STX10: variants seen among roughly 807,000 people sequenced by gnomAD.
STX10 encodes syntaxin-10.
Under a neutral mutation model 34.1 loss-of-function variants are expected in STX10, and 35 were observed. The ratio of observed to expected loss-of-function variants is 1.03; its 90% confidence interval spans 0.78 to 1.36. The LOEUF (loss-of-function observed/expected upper bound fraction) is 1.36, where lower values mean the gene tolerates loss of function less well. Among genes scored for constraint, STX10 ranks in the 40% most tolerant of loss-of-function variants. The pLI is 0.00. For missense variants in STX10, 361 were observed against 335.5 expected (o/e 1.08, Z -0.59); for synonymous variants, 155 against 132.9 (o/e 1.17, Z -1.15).
intron 4 of STX10, 89 bp downstream of exon 4, chr19:13,148,940 C>G: frequency 8.0e-6 from 9 of 1,128,556 alleles, no homozygotes; most frequent in Non-Finnish European, 1.2e-5. Flanking sequence ...CGGGCACTGT[C>G]GCAAAAGGGA....
rs377662499 is a variant in STX10, at chr19:13,149,799, C to T, written c.134G>A (p.Trp45Ter). 4 of 1,613,966 alleles carry T rather than the reference C, an allele frequency of 2.5e-6. No homozygotes were observed. The Admixed American group carries it at 5.0e-5, about 20-fold the overall frequency. ...GCCATTCCGCAGCTCATTGGTCGTC[C>T]AGTCCAGCTCCTCGCGTCCGACCGC... ...SAAVGREELD[W>*]TTNELRNGLR... The change falls in exon 2 of 8, where the codon TGG becomes TAG. Residue 45 changes from tryptophan to a stop codon, truncating the protein, a stop_gained. Coordinates refer to ENST00000587230, the MANE Select transcript of STX10 (RefSeq NM_003765.3). LOFTEE classifies it high-confidence loss of function.
In STX10 at chr19:13,146,565, G is replaced by A. The variant is rs537587458; in HGVS notation, c.364-1170C>T. On this transcript the variant is annotated intron_variant, in intron 4 of 7. Coordinates refer to ENST00000587230, the MANE Select transcript of STX10 (RefSeq NM_003765.3). Reference sequence around the variant, plus strand: ...GATGTTTGTTTGTTTGTCTGAGACAGAGTCTTGCTCTGTCACCTAGGCTGG... The same window carrying A: ...GATGTTTGTTTGTTTGTCTGAGACAAAGTCTTGCTCTGTCACCTAGGCTGG... Among the ~76,000 whole-genome samples the A allele has an allele frequency of 5.1e-4, 77 of 151,260 alleles. 1 individual carries two copies. The highest frequency in any genetic ancestry group is 1.7e-3 in the African/African-American group (70 of 41,000).
At chr19:13,144,718 A>G in intron 6 of STX10, 46 bp downstream of exon 6, 1 of 1,613,090 alleles carries the variant, frequency 6.2e-7, no homozygotes. Flanking sequence ...CAGACACACC[A>G]GGGTGGCCGA....
In STX10 at chr19:13,145,354, G is replaced by T. The variant is rs752930346; in HGVS notation, c.405C>A (p.Asp135Glu). The change falls in exon 5 of 8, where the codon GAC becomes GAA. Residue 135 changes from aspartate (D) to glutamate (E), a missense_variant. Physicochemically the swap from Asp to Glu is conservative, Grantham distance 45. Coordinates refer to ENST00000587230, the MANE Select transcript of STX10 (RefSeq NM_003765.3). ...GKPAAQKSPS[D>E]LLDASAVSAT... ...CCGAGACTGCGCTGGCATCCAGCAG[G>T]TCGCTGGGTGACTTCTGGGCAGCTG... 2.5e-6 allele frequency: 4 copies of T among 1,611,898 alleles called. No homozygotes were observed. Among genetic ancestry groups the T allele is most frequent in the Non-Finnish European group, 3.4e-6 (4 of 1,179,974 alleles).
chr19:13,144,628 G>A lies in STX10; in HGVS notation c.622C>T (p.Arg208Cys), dbSNP rs754778951. 1.1e-5 allele frequency: 18 copies of A among 1,614,144 alleles called. No individual in the cohort carries two copies. Among genetic ancestry groups the A allele is most frequent in the South Asian group, 6.6e-5 (6 of 91,082 alleles). ...AACTTCCTGAGGACCCCGTCCATGCGGGACTGGGTGTGGTCCATCTCTTGG... is the reference window on the plus strand; with the variant it reads ...AACTTCCTGAGGACCCCGTCCATGCAGGACTGGGTGTGGTCCATCTCTTGG... ...FAQEMDHTQS[R>C]MDGVLRKLAK... The change falls in exon 7 of 8, where the codon CGC becomes TGC. Residue 208 changes from arginine (R) to cysteine (C), a missense_variant. Arg to Cys is a radical substitution (Grantham distance 180). Coordinates refer to ENST00000587230, the MANE Select transcript of STX10 (RefSeq NM_003765.3).
At chr19:13,144,992 A>C (rs975016111) in intron 5 of STX10, 122 bp from the exon 6 acceptor site, 1 of 866,880 alleles carries the variant, frequency 1.2e-6, no homozygotes, top group African/African-American at 1.7e-5. Context: ...TGAGGCCAGG[A>C]GTTCGAGACC....
chr19:13,145,198 C>T (rs2019869445), intron 5 of STX10, 90 bp downstream of exon 5: 2 of 1,190,640 alleles, frequency 1.7e-6, no homozygotes, highest in Admixed American at 2.1e-5. Flanking sequence ...AACTCCATAT[C>T]AACAACAACA....
Position 13,148,870 on chromosome 19 carries a change from G to T in STX10, c.363+159C>A, listed in dbSNP as rs529858507. ...CATATACACATAGAGAGGTTCAGGT[G>T]CACACACCGAGAAAGTGCAGGCAGG... On this transcript the variant is annotated intron_variant, in intron 4 of 7. Transcript: ENST00000587230. 1.9e-4 allele frequency among the ~76,000 whole-genome samples: 29 copies of T among 152,134 alleles called. 1 individual carries two copies. The South Asian group carries it at 6.0e-3, about 32-fold the overall frequency.
chr19:13,150,095 TG>T lies in STX10; in HGVS notation c.35+43del. ...GCCGGCACCCGGGCACTGGCTGGCT[TG>T]GGTACAGAGCACCCTCCGCCCTCCC... On this transcript the variant is annotated intron_variant, in intron 1 of 7. Coordinates refer to ENST00000587230, the MANE Select transcript of STX10 (RefSeq NM_003765.3). The surrounding 1 kb of genome is among the most constrained non-coding windows in gnomAD (Gnocchi z 4.0). 2 of 1,125,040 alleles carry T rather than the reference TG, an allele frequency of 1.8e-6. No homozygotes were observed. The highest frequency in any genetic ancestry group is 2.7e-6 in the Non-Finnish European group (2 of 753,686). The allele number at this position is 1,125,040 out of a possible 1,614,324, so 69.7% of individuals were successfully genotyped here. A position where few individuals can be genotyped will look rare whatever the true frequency, so the allele number is the denominator to read the frequency against.
At chr19:13,146,410 T>C (rs1335752102) in intron 4 of STX10, among the ~76,000 whole-genome samples, 4 of 152,192 alleles carry the variant, frequency 2.6e-5, no homozygotes, top group Non-Finnish European at 4.4e-5. Context: ...AATTTTTGTA[T>C]TTTTACTAGT....
intron 2 of STX10, 37 bp from the exon 3 acceptor site, chr19:13,149,630 TATC>T (rs1568394045): frequency 5.0e-6 from 8 of 1,613,298 alleles, no homozygotes; most frequent in South Asian, 1.1e-5. Flanking sequence ...CGGAGCCAGA[TATC>T]ATCCCCGTCC....
Position 13,149,567 on chromosome 19 carries a change from A to C in STX10, c.232T>G (p.Phe78Val). ...IGIVEANPGK[F>V]KLPAGDLQER... ...TGCAGGTCCCCGGCTGGGAGCTTGA[A>C]CTTGCCTGGGTTGGCTTCCACTATA... is the stretch of plus-strand genomic sequence containing the variant. The change falls in exon 3 of 8, where the codon TTC (phenylalanine) becomes GTC (valine). Residue 78 changes from phenylalanine to valine, a missense_variant. By Grantham distance (50) the Phe-to-Val change is conservative. Coordinates refer to ENST00000587230, the MANE Select transcript of STX10 (RefSeq NM_003765.3). The C allele has an allele frequency of 6.2e-7, 1 of 1,613,958 alleles. No individual in the cohort carries two copies. Among genetic ancestry groups the C allele is most frequent in the Non-Finnish European group, 8.5e-7 (1 of 1,179,966 alleles).
chr19:13,144,615 A>AC lies in STX10; in HGVS notation c.634dup (p.Val212GlyfsTer14). ...GGATACTTTGGCCAACTTCCTGAGG[A>AC]CCCCGTCCATGCGGGACTGGGTGTG... On this transcript the variant is annotated frameshift_variant, in exon 7 of 8. Transcript: ENST00000587230. LOFTEE classifies it low-confidence loss of function (END_TRUNC). The AC allele has an allele frequency of 6.2e-7, 1 of 1,613,818 alleles. No homozygotes were observed. The highest frequency in any genetic ancestry group is 8.5e-7 in the Non-Finnish European group (1 of 1,179,924).
rs1404210764 is a variant in STX10 at position 13,144,957 on chromosome 19, G to A, written c.472-87C>T. ...CTTATGACTGTAATCCCAGCACTCT[G>A]GGAGGCCGAGACAGGCGGATCACTT... On this transcript the variant is annotated intron_variant, in intron 5 of 7. Transcript: ENST00000587230. 1.1e-5 allele frequency: 14 copies of A among 1,261,824 alleles called. No individual in the cohort carries two copies. In the East Asian group the frequency reaches 2.8e-4, roughly 25 times the overall value. 78.2% of individuals were successfully genotyped at this position (1,261,824 alleles called of 1,614,324 possible).
At position 13,149,899 on chromosome 19, in the gene STX10, T is replaced by G. The variant is rs2020018667; in HGVS notation, c.36-2A>C. On this transcript the variant is annotated splice_acceptor_variant, in intron 1 of 7. Transcript: ENST00000587230. LOFTEE classifies it high-confidence loss of function. ...GTGTTCACCGCCTTCTGCACCTCGC[T>G]GCGGGCAGGGGCACGGCGGGCGCGG... The G allele has an allele frequency of 6.3e-7, 1 of 1,582,570 alleles. No individual in the cohort carries two copies. The highest frequency in any genetic ancestry group is 8.6e-7 in the Non-Finnish European group (1 of 1,165,382).
At position 13,144,870 on chromosome 19, in the gene STX10, G is replaced by A; in HGVS notation, c.472C>T (p.Leu158=). 6 of 1,611,762 alleles carry A rather than the reference G, an allele frequency of 3.7e-6. No individual in the cohort carries two copies. The highest frequency in any genetic ancestry group is 1.3e-5 in the African/African-American group (1 of 74,970). The change falls in exon 6 of 8, where the codon CTG becomes TTG. Residue 158 remains leucine (L), a splice_region_variant and synonymous_variant. Coordinates refer to ENST00000587230, the MANE Select transcript of STX10 (RefSeq NM_003765.3). ...TGTTGATCCTGTTCATCCATGATCA[G>A]CTGCAGAGCGAAGGGGTGGGAGATG... ...YIEEQQATQQ[L]IMDEQDQQLE...
At position 13,150,114 on chromosome 19, in the gene STX10, GC is replaced by G; in HGVS notation, c.35+24del. On this transcript the variant is annotated intron_variant, in intron 1 of 7. Transcript: ENST00000587230. This position sits in a 1 kb window ranked among gnomAD's most constrained non-coding sequence, Gnocchi z 4.0. ...CTGGCTTGGGTACAGAGCACCCTCC[GC>G]CCTCCCCCGTCGTTGTCACTCACCC... 8.9e-7 allele frequency: 1 copy of G among 1,125,814 alleles called. No homozygotes were observed. The highest frequency in any genetic ancestry group is 1.3e-6 in the Non-Finnish European group (1 of 751,704). The allele number at this position is 1,125,814 out of a possible 1,614,324, so 69.7% of individuals were successfully genotyped here.
Position 13,149,806 on chromosome 19 carries a change from G to T in STX10, c.127C>A (p.Leu43Met). The change falls in exon 2 of 8, where the codon CTG becomes ATG. Residue 43 changes from leucine to methionine, a missense_variant. Leu to Met is a conservative substitution (Grantham distance 15). Coordinates refer to ENST00000587230, the MANE Select transcript of STX10 (RefSeq NM_003765.3). ...CGCAGCTCATTGGTCGTCCAGTCCA[G>T]CTCCTCGCGTCCGACCGCCGCGCTT... ...QESAAVGREE[L>M]DWTTNELRNG... 1 of 1,613,982 alleles carries T rather than the reference G, an allele frequency of 6.2e-7. No individual in the cohort carries two copies. The highest frequency in any genetic ancestry group is 1.1e-5 in the South Asian group (1 of 91,088).
chr19:13,145,448 C>T, intron 4 of STX10, 53 bp from the exon 5 acceptor site: 1 of 1,504,924 alleles, frequency 6.6e-7, no homozygotes, highest in Non-Finnish European at 9.1e-7. Context: ...CACAGCGGGG[C>T]CTGTGGGGCA....
Sources: allele counts gnomAD v4.1 joint callset (sites outside exome capture counted in the v4.1 genomes callset), GRCh38; gene constraint gnomAD v4.1.1; non-coding constraint Gnocchi (gnomAD v3.1); transcripts MANE v1.5; gene names NCBI Gene and HGNC (gene_info 2026-07-23, HGNC 2026-07-21).